CSMD1: variants seen among roughly 807,000 people sequenced by gnomAD.
CSMD1 encodes the protein CUB and Sushi multiple domains 1.
CSMD1 carries 213 observed loss-of-function variants against 417.5 expected under a neutral mutation model. That is an observed-to-expected ratio of 0.51 (90% CI 0.46 to 0.57). The LOEUF is 0.57. CSMD1 is among the 20% of genes least tolerant of loss of function. The pLI, the probability that CSMD1 is intolerant of heterozygous loss-of-function variation, is 0.00. For missense variants in CSMD1, 6,923 were observed against 4,529.7 expected (o/e 1.53, Z -15.17); for synonymous variants, 2,862 against 1,736.8 (o/e 1.65, Z -16.11).
chr8:4,203,877 G>C (rs1168111787), intron 3 of CSMD1, among the ~76,000 whole-genome samples: 2 of 152,102 alleles, frequency 1.3e-5, no homozygotes, highest in Non-Finnish European at 1.5e-5. Context: ...GAGGTAGGTG[G>C]ATCCCTTGAG....
chr8:4,287,083 G>T (rs1052427222), intron 3 of CSMD1, among the ~76,000 whole-genome samples: 1 of 152,168 alleles, frequency 6.6e-6, no homozygotes, highest in African/African-American at 2.4e-5. Context: ...GAACAAAAAA[G>T]AGTTTCAATC....
chr8:3,149,808 C>G (rs1290602246), intron 40 of CSMD1, among the ~76,000 whole-genome samples: 2 of 152,188 alleles, frequency 1.3e-5, no homozygotes, highest in Non-Finnish European at 2.9e-5. Flanking sequence ...AAGGAGGAAA[C>G]TGGAGCCCCT....
intron 1 of CSMD1, among the ~76,000 whole-genome samples, chr8:4,732,731 C>A (rs115105774): frequency 0.017 from 2,593 of 152,212 alleles, 36 homozygotes; most frequent in African/African-American, 0.026. Context: ...TCGTTTTTAA[C>A]CCTTGGCTTG....
At position 4,961,891 on chromosome 8, in the gene CSMD1, A is replaced by G. The variant is rs533915901; in HGVS notation, c.85+32441T>C. Among the ~76,000 whole-genome samples, 152 of 78,846 alleles carry G rather than the reference A, an allele frequency of 1.9e-3. 3 individuals are homozygous for G. In the East Asian group the frequency reaches 0.019, roughly 10 times the overall value. The allele number at this position is 78,846 out of a possible 152,430, so 51.7% of individuals were successfully genotyped here. A position where few individuals can be genotyped will look rare whatever the true frequency, so the allele number is the denominator to read the frequency against. On this transcript the variant is annotated intron_variant, in intron 1 of 69. Transcript: ENST00000635120. The stretch of plus-strand genomic sequence containing the variant: ...TCATCATTTTCTAACACGTGCAAAA[A>G]TTCCTTCCTTTTTTTTCCAATCTAT...
intron 6 of CSMD1, among the ~76,000 whole-genome samples, chr8:3,738,770 A>G (rs746686182): frequency 2.6e-5 from 4 of 152,186 alleles, no homozygotes; most frequent in Middle Eastern, 3.4e-3. Flanking sequence ...AAATAAAACA[A>G]CCTCCGTCAA....
chr8:4,798,010 G>C (rs1043844422), intron 1 of CSMD1, among the ~76,000 whole-genome samples: 2 of 152,182 alleles, frequency 1.3e-5, no homozygotes, highest in African/African-American at 4.8e-5. Context: ...AAATCTCGAA[G>C]CATTTTTATT....
At chr8:4,108,813 T>G (rs1337125122) in intron 3 of CSMD1, among the ~76,000 whole-genome samples, 1 of 152,232 alleles carries the variant, frequency 6.6e-6, no homozygotes, top group Non-Finnish European at 1.5e-5. Flanking sequence ...CTAAGTAGCA[T>G]GGCAAAGACC....
intron 1 of CSMD1, among the ~76,000 whole-genome samples, chr8:4,645,318 T>C (rs1803450897): frequency 6.6e-6 from 1 of 151,886 alleles, no homozygotes; most frequent in African/African-American, 2.4e-5. Context: ...GAGGCAGCTT[T>C]AGTTAACTCC....
intron 3 of CSMD1, among the ~76,000 whole-genome samples, chr8:4,294,803 G>A (rs1302967292): frequency 6.6e-6 from 1 of 151,712 alleles, no homozygotes; most frequent in Non-Finnish European, 1.5e-5. Flanking sequence ...CTGGAAAAAA[G>A]TGCTTACTTT....
chr8:4,332,334 C>T (rs951615549), intron 3 of CSMD1, among the ~76,000 whole-genome samples: 5 of 151,992 alleles, frequency 3.3e-5, no homozygotes, highest in Non-Finnish European at 5.9e-5. Context: ...TGAGGATCAC[C>T]AAAACGCTGA....
At chr8:4,400,852 T>C (rs1320827389) in intron 3 of CSMD1, among the ~76,000 whole-genome samples, 2 of 151,920 alleles carry the variant, frequency 1.3e-5, no homozygotes, top group Non-Finnish European at 2.9e-5. Context: ...TTTTATTTAA[T>C]AGCAGAAAAA....
intron 4 of CSMD1, among the ~76,000 whole-genome samples, chr8:4,028,185 A>G (rs890525797): frequency 5.9e-5 from 9 of 152,246 alleles, no homozygotes; most frequent in African/African-American, 2.2e-4. Context: ...AGTAGGAACT[A>G]GTCATCATAT....
chr8:3,380,418 T>G (rs1428401399), intron 18 of CSMD1, among the ~76,000 whole-genome samples: 1 of 152,218 alleles, frequency 6.6e-6, no homozygotes, highest in African/African-American at 2.4e-5. Flanking sequence ...TAAATCATTC[T>G]ACTATGAAGA....
intron 1 of CSMD1, among the ~76,000 whole-genome samples, chr8:4,947,583 G>A (rs1045576085): frequency 2.0e-5 from 3 of 152,018 alleles, no homozygotes; most frequent in Admixed American, 6.6e-5. Flanking sequence ...TGAAAAATTT[G>A]AAGATTTTCT....
At chr8:3,264,318 T>G (rs1466739432) in intron 26 of CSMD1, among the ~76,000 whole-genome samples, 7 of 152,320 alleles carry the variant, frequency 4.6e-5, no homozygotes, top group Admixed American at 4.6e-4. Context: ...CGTAGTAATG[T>G]GAAGATCTGG....
In CSMD1 at chr8:3,524,223, A is replaced by G. The variant is rs542204819; in HGVS notation, c.1345-30497T>C. ...CACACATGCAACCCAGACAATATGC[A>G]CACACATACACACATACACACCCAG... is the stretch of plus-strand genomic sequence containing the variant. On this transcript the variant is annotated intron_variant, in intron 10 of 69. Transcript: ENST00000635120. Among the ~76,000 whole-genome samples the G allele has an allele frequency of 9.4e-3, 1,420 of 151,656 alleles. 11 individuals carry two copies. Among genetic ancestry groups the G allele is most frequent in the South Asian group, 0.03 (143 of 4,768 alleles).
intron 2 of CSMD1, among the ~76,000 whole-genome samples, chr8:4,467,909 G>A (rs1341390868): frequency 1.3e-5 from 2 of 152,100 alleles, no homozygotes; most frequent in East Asian, 3.9e-4. Context: ...CTGGTTTTTG[G>A]GATCCAAACA....
At chr8:4,778,675 T>C (rs1024915476) in intron 1 of CSMD1, among the ~76,000 whole-genome samples, 2 of 152,168 alleles carry the variant, frequency 1.3e-5, no homozygotes, top group Admixed American at 6.6e-5. Flanking sequence ...CAAATACACC[T>C]GAGTAGCACT....
chr8:3,390,321 T>G (rs1811271351), intron 17 of CSMD1, among the ~76,000 whole-genome samples: 1 of 128,942 alleles, frequency 7.8e-6, no homozygotes, highest in Non-Finnish European at 1.5e-5. Context: ...TGCCGTTGCA[T>G]TCCAGCCTGG....
Sources: allele counts gnomAD v4.1 joint callset (sites outside exome capture counted in the v4.1 genomes callset), GRCh38; gene constraint gnomAD v4.1.1; transcripts MANE v1.5; gene names NCBI Gene and HGNC (gene_info 2026-07-23, HGNC 2026-07-21).